VTA1: variants seen among roughly 807,000 people sequenced by gnomAD.
VTA1 encodes vacuolar protein sorting-associated protein VTA1 homolog.
Under a neutral mutation model 36.9 loss-of-function variants are expected in VTA1, and 24 were observed. The observed-to-expected ratio is 0.65, with a 90% CI of 0.47 to 0.91. VTA1 has a LOEUF of 0.91. VTA1 is among the 40% of genes least tolerant of loss of function. The probability of loss-of-function intolerance (pLI) is 0.00; values close to 1 mark genes in which losing one functional copy is unlikely to be tolerated. For synonymous variants in VTA1, 142 were observed against 130.2 expected, an observed-to-expected ratio of 1.09 and a Z score of -0.62; for missense variants, 393 against 377.2, an observed-to-expected ratio of 1.04 and a Z score of -0.35.
intron 7 of VTA1, among the ~76,000 whole-genome samples, chr6:142,210,301 A>C (rs1274544646): frequency 6.6e-6 from 1 of 152,234 alleles, no homozygotes; most frequent in African/African-American, 2.4e-5. Flanking sequence ...TGAAACCTCA[A>C]ATCTAAGACC....
At chr6:142,184,203 T>C (rs1277449378) in intron 4 of VTA1, among the ~76,000 whole-genome samples, 2 of 152,236 alleles carry the variant, frequency 1.3e-5, no homozygotes, top group East Asian at 3.8e-4. Flanking sequence ...GCTTATTTTC[T>C]GTTATTTCAT....
At chr6:142,156,138 T>G (rs1778657096) in intron 1 of VTA1, among the ~76,000 whole-genome samples, 1 of 152,172 alleles carries the variant, frequency 6.6e-6, no homozygotes, top group African/African-American at 2.4e-5. Flanking sequence ...TTAACAGTGC[T>G]TTCTTTCAGG....
At chr6:142,214,923 A>T (rs904598264) in intron 7 of VTA1, among the ~76,000 whole-genome samples, 10 of 152,050 alleles carry the variant, frequency 6.6e-5, no homozygotes, top group Non-Finnish European at 1.3e-4. Context: ...TAGTACTTAT[A>T]CCCCTTTTCT....
intron 6 of VTA1, among the ~76,000 whole-genome samples, chr6:142,201,122 T>C (rs1052302628): frequency 2.0e-5 from 3 of 151,940 alleles, no homozygotes; most frequent in African/African-American, 7.2e-5. Flanking sequence ...TTTCTGATAG[T>C]ATATTTCCCT....
At chr6:142,159,453 C>G (rs934950051) in intron 1 of VTA1, among the ~76,000 whole-genome samples, 4 of 149,458 alleles carry the variant, frequency 2.7e-5, no homozygotes, top group African/African-American at 9.8e-5. Context: ...ACTATTAATC[C>G]TGTCCACTGA....
At chr6:142,161,619 T>C (rs1774811122) in intron 1 of VTA1, among the ~76,000 whole-genome samples, 1 of 152,194 alleles carries the variant, frequency 6.6e-6, no homozygotes, top group African/African-American at 2.4e-5. Flanking sequence ...CACATTTCCT[T>C]GATGAAATAA....
At chr6:142,205,183 A>T in intron 7 of VTA1, among the ~76,000 whole-genome samples, 1 of 152,140 alleles carries the variant, frequency 6.6e-6, no homozygotes, top group African/African-American at 2.4e-5. Flanking sequence ...GGTGAGCTGG[A>T]TATCATACCT....
At chr6:142,217,293 A>G (rs906328661) in intron 7 of VTA1, among the ~76,000 whole-genome samples, 2 of 152,308 alleles carry the variant, frequency 1.3e-5, no homozygotes, top group South Asian at 2.1e-4. Flanking sequence ...GTTTAATTCT[A>G]TATGAACTTA....
chr6:142,174,532 G>A (rs1046265005), intron 4 of VTA1, among the ~76,000 whole-genome samples: 2 of 152,094 alleles, frequency 1.3e-5, no homozygotes, highest in Non-Finnish European at 2.9e-5. Flanking sequence ...GGACTTTTGA[G>A]TTGATGCTGC....
intron 5 of VTA1, among the ~76,000 whole-genome samples, chr6:142,194,802 A>G (rs772639245): frequency 1.3e-5 from 2 of 152,044 alleles, no homozygotes; most frequent in Non-Finnish European, 1.5e-5. Context: ...TTTTTGCCCT[A>G]TGTGATACTG....
At chr6:142,149,571 T>A (rs1931996) in intron 1 of VTA1, among the ~76,000 whole-genome samples, 20,382 of 152,200 alleles carry the variant, frequency 0.13, 1,758 homozygotes, top group Non-Finnish European at 0.18. Flanking sequence ...TTTTGCCCAT[T>A]TATCTGTCAC....
intron 5 of VTA1, among the ~76,000 whole-genome samples, chr6:142,189,838 G>A (rs1775417230): frequency 6.6e-6 from 1 of 151,914 alleles, no homozygotes; most frequent in African/African-American, 2.4e-5. Context: ...CTCACTGGGA[G>A]CTCCGCCTCG....
chr6:142,185,309 A>G (rs968885224), intron 4 of VTA1, among the ~76,000 whole-genome samples: 1 of 152,144 alleles, frequency 6.6e-6, no homozygotes, highest in Non-Finnish European at 1.5e-5. Context: ...CTTATTTTAT[A>G]TATCCCATAT....
intron 1 of VTA1, among the ~76,000 whole-genome samples, chr6:142,158,949 A>G (rs1286869326): frequency 6.6e-6 from 1 of 152,148 alleles, no homozygotes; most frequent in African/African-American, 2.4e-5. Context: ...GTATACCATA[A>G]ACCTTATATA....
intron 4 of VTA1, among the ~76,000 whole-genome samples, chr6:142,176,321 A>T (rs1246991573): frequency 6.6e-6 from 1 of 152,206 alleles, no homozygotes; most frequent in East Asian, 1.9e-4. Flanking sequence ...ATTTGAGGGA[A>T]TGAGATGAAT....
chr6:142,216,127 GAAAA>G (rs899477342), intron 7 of VTA1, among the ~76,000 whole-genome samples: 1 of 145,988 alleles, frequency 6.8e-6, no homozygotes, highest in Non-Finnish European at 1.5e-5. Flanking sequence ...TTTAATGATA[GAAAA>G]AAAAAACAGC....
rs565768261 is a variant in VTA1, at chr6:142,187,106, A to C, written c.412-2320A>C. Among the ~76,000 whole-genome samples the C allele has an allele frequency of 7.9e-5, 12 of 152,310 alleles. No homozygotes were observed. In the South Asian group the frequency reaches 2.5e-3, roughly 32 times the overall value. On this transcript the variant is annotated intron_variant, in intron 4 of 7. Transcript: ENST00000367630. ...TTTATGTAACTTTTCCCATATTTGG[A>C]TATATAAAACATAATTCATATTTAA... is the stretch of plus-strand genomic sequence containing the variant.
intron 1 of VTA1, among the ~76,000 whole-genome samples, chr6:142,163,039 G>A (rs983134793): frequency 5.1e-4 from 78 of 152,182 alleles, no homozygotes; most frequent in African/African-American, 1.9e-3. Flanking sequence ...CATGGGCTGT[G>A]TTTACATTTG....
intron 4 of VTA1, among the ~76,000 whole-genome samples, chr6:142,172,023 T>A (rs116462392): frequency 1.5e-3 from 233 of 152,352 alleles, no homozygotes; most frequent in African/African-American, 5.4e-3. Flanking sequence ...CTTTTCTTTT[T>A]TTGTGAGACT....
Sources: allele counts gnomAD v4.1 joint callset (sites outside exome capture counted in the v4.1 genomes callset), GRCh38; gene constraint gnomAD v4.1.1; transcripts MANE v1.5; gene names NCBI Gene and HGNC (gene_info 2026-07-23, HGNC 2026-07-21).